PARG: variants seen among roughly 807,000 people sequenced by gnomAD.
PARG encodes mitochondrial poly(ADP-ribose) glycohydrolase.
Under a neutral mutation model 113.0 loss-of-function variants are expected in PARG, and 35 were observed. The observed-to-expected ratio is 0.31, with a 90% CI of 0.24 to 0.41. PARG has a LOEUF of 0.41. Among genes scored for constraint, PARG ranks in the 10% least tolerant of loss-of-function variants. PARG has a pLI of 1.00. For missense variants in PARG, 797 were observed against 1,169.4 expected (o/e 0.68, Z 4.64); for synonymous variants, 330 against 409.9 (o/e 0.81, Z 2.36).
chr10:49,858,392 A>C (rs1323564158), intron 12 of PARG, among the ~76,000 whole-genome samples: 2 of 148,852 alleles, frequency 1.3e-5, no homozygotes, highest in African/African-American at 5.0e-5. Context: ...ATACATAGTC[A>C]TACACACAAG....
chr10:49,841,523 T>A (rs1252320384), intron 15 of PARG, among the ~76,000 whole-genome samples: 1 of 152,240 alleles, frequency 6.6e-6, no homozygotes, highest in Non-Finnish European at 1.5e-5. Context: ...GATACCATCA[T>A]AAATCTTACC....
In PARG at chr10:49,842,890, G is replaced by A. The variant is rs886142713; in HGVS notation, c.2432+664C>T. Reference sequence around the variant, plus strand: ...AGAGGATGGACTTGAGACATTATGAGGAATAAATTTGTGGCACGTGGGCAA... The same window carrying A: ...AGAGGATGGACTTGAGACATTATGAAGAATAAATTTGTGGCACGTGGGCAA... On this transcript the variant is annotated intron_variant, in intron 14 of 17. Transcript: ENST00000616448. Among the ~76,000 whole-genome samples, 4 of 152,124 alleles carry A rather than the reference G, an allele frequency of 2.6e-5. No individual in the cohort carries two copies. The East Asian group carries it at 7.7e-4, about 29-fold the overall frequency.
At chr10:49,934,192 A>G in intron 2 of PARG, 29 bp from the exon 3 acceptor site, 6 of 864,174 alleles carry the variant, frequency 6.9e-6, no homozygotes, top group Middle Eastern at 2.2e-4. Context: ...AACTAAAAAC[A>G]ACTTATAATA....
chr10:49,893,966 G>T (rs1554842145), intron 7 of PARG, among the ~76,000 whole-genome samples: 1 of 152,060 alleles, frequency 6.6e-6, no homozygotes, highest in African/African-American at 2.4e-5. Context: ...CCAAAGTGCT[G>T]GGATTACAAG....
intron 4 of PARG, among the ~76,000 whole-genome samples, chr10:49,929,826 CAAAAAAA>C (rs1238299427): frequency 1.2e-5 from 1 of 84,902 alleles, no homozygotes; most frequent in Non-Finnish European, 2.4e-5. Flanking sequence ...AAAACTCCAT[CAAAAAAA>C]AAAAAAAAAA....
Position 49,857,394 on chromosome 10 carries a change from T to C in PARG, c.2265A>G (p.Glu755=). 1 of 1,600,182 alleles carries C rather than the reference T, an allele frequency of 6.2e-7. No homozygotes were observed. Among genetic ancestry groups the C allele is most frequent in the Non-Finnish European group, 8.5e-7 (1 of 1,170,198 alleles). ...CAGGATTGATTAAAAAGCGGATTTC[T>C]TCTTGCACAAGTCCTGCACTGGTTA... is the stretch of plus-strand genomic sequence containing the variant. ...GGVTSAGLVQ[E]EIRFLINPEL... Residue 755 remains glutamate (E), a synonymous_variant, in exon 13 of 18, where the codon GAA becomes GAG. Coordinates refer to ENST00000616448, the MANE Select transcript of PARG (RefSeq NM_003631.5).
In PARG at chr10:49,919,381, A is replaced by C. The variant is rs191376632; in HGVS notation, c.1662+2955T>G. Among the ~76,000 whole-genome samples the C allele has an allele frequency of 1.4e-4, 21 of 152,376 alleles. 1 individual carries two copies. Among genetic ancestry groups the C allele is most frequent in the African/African-American group, 3.8e-4 (16 of 41,596 alleles). On this transcript the variant is annotated intron_variant, in intron 6 of 17. Coordinates refer to ENST00000616448, the MANE Select transcript of PARG (RefSeq NM_003631.5). Reference sequence around the variant, plus strand: ...TAGTATTCCTGGGCAGCCTGCTTCTATGTGAGTTTATAATTTTGTTTTTAG... The same window carrying C: ...TAGTATTCCTGGGCAGCCTGCTTCTCTGTGAGTTTATAATTTTGTTTTTAG...
At chr10:49,885,988 A>G (rs1262291114) in intron 7 of PARG, among the ~76,000 whole-genome samples, 1 of 152,180 alleles carries the variant, frequency 6.6e-6, no homozygotes, top group Non-Finnish European at 1.5e-5. Flanking sequence ...TATTTCTTTA[A>G]AAGTACTGGA....
At chr10:49,889,185 C>T (rs1159067601) in intron 7 of PARG, among the ~76,000 whole-genome samples, 1 of 149,058 alleles carries the variant, frequency 6.7e-6, no homozygotes, top group Non-Finnish European at 1.5e-5. Flanking sequence ...TCTGTATTCT[C>T]CTGGTGTCTA....
intron 4 of PARG, among the ~76,000 whole-genome samples, chr10:49,931,727 T>C (rs1449372847): frequency 7.3e-6 from 1 of 137,918 alleles, no homozygotes; most frequent in Non-Finnish European, 1.6e-5. Context: ...CACAGCTGGA[T>C]AATGATTTAA....
At chr10:49,890,895 T>C (rs1298032770) in intron 7 of PARG, among the ~76,000 whole-genome samples, 2 of 152,268 alleles carry the variant, frequency 1.3e-5, no homozygotes, top group Non-Finnish European at 2.9e-5. Context: ...GTATTAAATA[T>C]TGACTACTGA....
intron 16 of PARG, among the ~76,000 whole-genome samples, chr10:49,828,107 A>AAG (rs1187398248): frequency 6.8e-6 from 1 of 147,458 alleles, no homozygotes; most frequent in African/African-American, 2.5e-5. Context: ...AAAAAAAAAA[A>AAG]AAAAAAAAAA....
chr10:49,920,467 T>A (rs61275028), intron 6 of PARG, among the ~76,000 whole-genome samples: 6,717 of 60,360 alleles, frequency 0.11, 637 homozygotes, highest in African/African-American at 0.27. Flanking sequence ...AAAAAAAATA[T>A]ATATATATAT....
intron 7 of PARG, among the ~76,000 whole-genome samples, chr10:49,907,053 T>C (rs1398827792): frequency 6.6e-6 from 1 of 152,072 alleles, no homozygotes; most frequent in South Asian, 2.1e-4. Flanking sequence ...GCTAGGCTTC[T>C]CAGGACTGAG....
chr10:49,924,313 G>A (rs1373369826), intron 4 of PARG, among the ~76,000 whole-genome samples: 1 of 152,014 alleles, frequency 6.6e-6, no homozygotes, highest in African/African-American at 2.4e-5. Context: ...ATTAATCCAT[G>A]TGGTAGTATG....
At chr10:49,919,731 C>A (rs1307414424) in intron 6 of PARG, among the ~76,000 whole-genome samples, 1 of 152,148 alleles carries the variant, frequency 6.6e-6, no homozygotes, top group Non-Finnish European at 1.5e-5. Context: ...ATACTAAAAC[C>A]AAGTAAACTC....
chr10:49,885,515 A>C (rs1847433096), intron 7 of PARG, among the ~76,000 whole-genome samples: 1 of 152,188 alleles, frequency 6.6e-6, no homozygotes, highest in South Asian at 2.1e-4. Flanking sequence ...CATTAAGGCA[A>C]TTCACCTTAA....
intron 14 of PARG, among the ~76,000 whole-genome samples, chr10:49,842,522 C>T (rs886080533): frequency 1.3e-5 from 2 of 152,134 alleles, no homozygotes; most frequent in South Asian, 2.1e-4. Context: ...AGAAGTGTTA[C>T]AAAAATGTGA....
rs1172602946 is a variant in PARG, at chr10:49,879,653, G to A, written c.1988+20C>T. The A allele has an allele frequency of 4.5e-6, 6 of 1,324,052 alleles. No homozygotes were observed. The African/African-American group carries it at 8.9e-5, about 20-fold the overall frequency. The allele number at this position is 1,324,052 out of a possible 1,614,324, so 82.0% of individuals were successfully genotyped here. On this transcript the variant is annotated intron_variant, in intron 9 of 17. Transcript: ENST00000616448. ...CCTTTGTCTTTTTCATTGTTAAAGA[G>A]GTGTTTTCTGAAAACATACCGATTG...
Sources: gnomAD v4.1 joint callset for allele counts (sites outside exome capture counted in the v4.1 genomes callset) on GRCh38, gnomAD v4.1.1 for gene constraint, MANE v1.5 for transcripts, NCBI Gene and HGNC (gene_info 2026-07-23, HGNC 2026-07-21) for gene names.